The following LAS1L variants were observed in gnomAD, a reference collection of about 807,000 sequenced individuals.
The protein encoded by LAS1L is LAS1 like ribosome biogenesis factor.
A neutral mutation model predicts 57.3 loss-of-function variants in LAS1L; 5 were observed. The observed-to-expected ratio is 0.09, with a 90% CI of 0.05 to 0.18. The LOEUF (loss-of-function observed/expected upper bound fraction) is 0.18, where lower values mean the gene tolerates loss of function less well. Ranked by LOEUF, LAS1L falls within the 10% of genes least tolerant of loss-of-function variation. The pLI is 1.00. For synonymous variants in LAS1L, 245 were observed against 231.7 expected (o/e 1.06, Z -0.52); for missense variants, 360 against 568.3 (o/e 0.63, Z 3.73).
chrX:65,523,710 G>A lies in LAS1L; in HGVS notation c.1301-3C>T. 1 of 1,176,104 alleles carries A rather than the reference G, an allele frequency of 8.5e-7. No individual in the cohort carries two copies. The highest frequency in any genetic ancestry group is 3.1e-5 in the East Asian group (1 of 32,370). ...AGAAAATCGGCGAGCATTCCGTCCT[G>A]AGAGAGAAGAGAGGATCTAAGGAGA... On this transcript the variant is annotated splice_polypyrimidine_tract_variant and splice_region_variant and intron_variant, in intron 10 of 13. Coordinates refer to ENST00000374811, the MANE Select transcript of LAS1L (RefSeq NM_031206.7).
intron 11 of LAS1L, among the ~76,000 whole-genome samples, chrX:65,520,136 C>G (rs1186534316): frequency 9.0e-6 from 1 of 111,726 alleles, no homozygotes; most frequent in Non-Finnish European, 1.9e-5. Flanking sequence ...TGATGCGAAT[C>G]TTAAAATACA....
At chrX:65,531,852 C>T (rs1231355717) in intron 3 of LAS1L, among the ~76,000 whole-genome samples, 3 of 111,451 alleles carry the variant, frequency 2.7e-5, no homozygotes, top group Middle Eastern at 4.2e-3. Flanking sequence ...ACCTGGGAGG[C>T]GGAGATTGTG....
chrX:65,529,364 T>A, intron 5 of LAS1L, 106 bp from the exon 6 acceptor site: 1 of 752,477 alleles, frequency 1.3e-6, no homozygotes, highest in Non-Finnish European at 2.0e-6. Flanking sequence ...ATTGAGGAAC[T>A]AGAATTCCTT....
chrX:65,516,387 C>CT (rs767989584), intron 12 of LAS1L, among the ~76,000 whole-genome samples: 182 of 111,203 alleles, frequency 1.6e-3, no homozygotes, highest in Admixed American at 2.5e-3. Flanking sequence ...ACCCCTGCCT[C>CT]TTTAGCCTGA....
intron 7 of LAS1L, among the ~76,000 whole-genome samples, chrX:65,526,971 G>A (rs1030874176): frequency 2.7e-5 from 3 of 109,983 alleles, no homozygotes; most frequent in Admixed American, 9.8e-5. Context: ...CAGCACTTTG[G>A]GAGGCCAAGG....
In LAS1L at chrX:65,521,016, A is replaced by G. The variant is rs376604532; in HGVS notation, c.1448+2544T>C. The G allele has an allele frequency of 1.1e-5, 8 of 751,543 alleles. No individual in the cohort carries two copies. The East Asian group carries it at 4.6e-4, about 43-fold the overall frequency. The allele number at this position is 751,543 out of a possible 1,213,427, so 61.9% of individuals were successfully genotyped here. On this transcript the variant is annotated intron_variant, in intron 11 of 13. Transcript: ENST00000374811. Reference sequence around the variant, plus strand: ...TCCAGGCCCTTTTGGTTCTCCTCCCAATTGCCCACCCATCCACATCACTTC... The same window carrying G: ...TCCAGGCCCTTTTGGTTCTCCTCCCGATTGCCCACCCATCCACATCACTTC...
At chrX:65,514,534 GC>G (rs2068556605) in intron 13 of LAS1L, among the ~76,000 whole-genome samples, 2 of 88,835 alleles carry the variant, frequency 2.3e-5, no homozygotes, top group Non-Finnish European at 4.4e-5. Flanking sequence ...GTGTGTGCCT[GC>G]ACACACACAC....
intron 12 of LAS1L, among the ~76,000 whole-genome samples, chrX:65,515,182 C>T (rs939314584): frequency 5.4e-5 from 6 of 111,895 alleles, no homozygotes; most frequent in Non-Finnish European, 7.5e-5. Flanking sequence ...CCTTCTCCCC[C>T]TCTATGTGCT....
chrX:65,520,402 A>C, intron 11 of LAS1L: 1 of 741,636 alleles, frequency 1.3e-6, no homozygotes, highest in Non-Finnish European at 1.6e-6. Flanking sequence ...TAACCTCTAC[A>C]AAAAAACACA....
intron 11 of LAS1L, 75 bp downstream of exon 11, chrX:65,523,485 A>T: frequency 9.8e-7 from 1 of 1,019,618 alleles, no homozygotes; most frequent in African/African-American, 1.9e-5. Context: ...CTTCTAACTC[A>T]GTCATTCTAG....
chrX:65,524,863 G>A, intron 8 of LAS1L, 102 bp downstream of exon 8: 2 of 610,693 alleles, frequency 3.3e-6, no homozygotes, highest in South Asian at 2.7e-5. Flanking sequence ...GGAATGGCAG[G>A]AAACAGCCTT....
chrX:65,521,734 G>A (rs969062880), intron 11 of LAS1L: 1 of 111,399 alleles, frequency 9.0e-6, no homozygotes, highest in Non-Finnish European at 1.9e-5. Flanking sequence ...CTAGTAATAA[G>A]CACAGGCATT....
At position 65,517,999 on chromosome X, in the gene LAS1L, G is replaced by C. The variant is rs1447895400; in HGVS notation, c.1915C>G (p.Gln639Glu). ...KRGALQGSAW[Q>E]VSSEDVRWDT... ...AAGTAGTTCTTACCTGAGCTAACCT[G>C]CCATGCAGAGCCCTGCAAAGCTCCT... The change falls in exon 12 of 14, where the codon CAG (glutamine) becomes GAG (glutamate). Residue 639 changes from glutamine (Q) to glutamate (E), a missense_variant. Coordinates refer to ENST00000374811, the MANE Select transcript of LAS1L (RefSeq NM_031206.7). The C allele has an allele frequency of 1.7e-6, 2 of 1,197,105 alleles. No individual in the cohort carries two copies. Among genetic ancestry groups the C allele is most frequent in the East Asian group, 3.0e-5 (1 of 33,725 alleles).
rs373165522 is a variant in LAS1L, at chrX:65,534,695, G to A, written c.21C>T (p.Ala7=). The change falls in exon 1 of 14, where the codon GCC becomes GCT. Residue 7 remains alanine, a synonymous_variant. Transcript: ENST00000374811. MSWESG[A]GPGLGSQGMD... Reference sequence around the variant, plus strand: ...TCCCCTGGGAACCTAGACCTGGCCCGGCCCCGGATTCCCACGACATACTGA... The same window carrying A: ...TCCCCTGGGAACCTAGACCTGGCCCAGCCCCGGATTCCCACGACATACTGA... The A allele has an allele frequency of 2.1e-5, 24 of 1,169,660 alleles. No homozygotes were observed. Among genetic ancestry groups the A allele is most frequent in the Non-Finnish European group, 2.6e-5 (23 of 875,304 alleles).
At chrX:65,525,747 T>TAAAAAAAAAAAAAA (rs2069097345) in intron 7 of LAS1L, among the ~76,000 whole-genome samples, 1 of 57,360 alleles carries the variant, frequency 1.7e-5, no homozygotes, top group African/African-American at 5.1e-4. Flanking sequence ...GTCTGATTTT[T>TAAAAAAAAAAAAAA]CAAAAAAAAA....
intron 1 of LAS1L, among the ~76,000 whole-genome samples, chrX:65,534,257 A>G (rs752218832): frequency 1.8e-5 from 2 of 112,266 alleles, no homozygotes; most frequent in African/African-American, 6.5e-5. Flanking sequence ...GGTAAACCTC[A>G]CAGATATAAC....
intron 12 of LAS1L, among the ~76,000 whole-genome samples, chrX:65,517,317 G>A (rs866601945): frequency 9.5e-6 from 1 of 104,814 alleles, no homozygotes; most frequent in African/African-American, 3.6e-5. Flanking sequence ...GCGCGATCTC[G>A]GCTCACTGCA....
intron 1 of LAS1L, 133 bp downstream of exon 1, chrX:65,534,347 C>G: frequency 2.1e-6 from 1 of 480,426 alleles, no homozygotes; most frequent in Non-Finnish European, 3.5e-6. Context: ...CGCGTTCCCC[C>G]AGGCATTTGG....
At chrX:65,531,520 A>C in intron 3 of LAS1L, 82 bp from the exon 4 acceptor site, 1 of 649,212 alleles carries the variant, frequency 1.5e-6, no homozygotes, top group Non-Finnish European at 2.5e-6. Flanking sequence ...AATTATCCTG[A>C]CCACCTCCTG....
Sources: gnomAD v4.1 joint callset for allele counts (sites outside exome capture counted in the v4.1 genomes callset) on GRCh38, gnomAD v4.1.1 for gene constraint, MANE v1.5 for transcripts, NCBI Gene and HGNC (gene_info 2026-07-23, HGNC 2026-07-21) for gene names.